The following GRIK4 variants were observed in gnomAD, a reference collection of about 807,000 sequenced individuals.
GRIK4 encodes glutamate receptor ionotropic, kainate 4.
Under a neutral mutation model 104.9 loss-of-function variants are expected in GRIK4, and 40 were observed. The observed-to-expected ratio is 0.38, with a 90% CI of 0.30 to 0.50. GRIK4 has a LOEUF of 0.50. Among genes scored for constraint, GRIK4 ranks in the 20% least tolerant of loss-of-function variants. The pLI, the probability that GRIK4 is intolerant of heterozygous loss-of-function variation, is 0.93. For missense variants in GRIK4, 1,047 were observed against 1,308.1 expected, an observed-to-expected ratio of 0.80 and a Z score of 3.08; for synonymous variants, 485 against 524.9, an observed-to-expected ratio of 0.92 and a Z score of 1.04.
At chr11:120,744,303 CT>C (rs1456131097) in intron 3 of GRIK4, among the ~76,000 whole-genome samples, 1 of 152,122 alleles carries the variant, frequency 6.6e-6, no homozygotes, top group Non-Finnish European at 1.5e-5. Flanking sequence ...GCTCAGGCTT[CT>C]TTTTTCCCCC....
chr11:120,854,579 G>C lies in GRIK4; in HGVS notation c.745-7380G>C, dbSNP rs541294604. On this transcript the variant is annotated intron_variant, in intron 8 of 20. Transcript: ENST00000527524. Reference sequence around the variant, plus strand: ...AGACAGCCAGCCACCTTTGTGGCGTGATCTGGTGGGCTTCAGGAAGGCCTC... The same window carrying C: ...AGACAGCCAGCCACCTTTGTGGCGTCATCTGGTGGGCTTCAGGAAGGCCTC... Among the ~76,000 whole-genome samples the C allele has an allele frequency of 5.9e-5, 9 of 152,328 alleles. 1 individual carries two copies. The South Asian group carries it at 1.9e-3, about 32-fold the overall frequency.
Position 120,939,455 on chromosome 11 carries a change from TC to T in GRIK4, c.1477-890del, listed in dbSNP as rs1943670695. On this transcript the variant is annotated intron_variant, in intron 13 of 20. Coordinates refer to ENST00000527524, the MANE Select transcript of GRIK4 (RefSeq NM_014619.5). The surrounding 1 kb of genome is among the most constrained non-coding windows in gnomAD (Gnocchi z 5.6). The stretch of plus-strand genomic sequence containing the variant: ...GGACAGCGACATAAGTGGCCAGTGA[TC>T]CAGGAGGCCTGAATCCTAGCCAGCT... 6.6e-6 allele frequency among the ~76,000 whole-genome samples: 1 copy of T among 152,214 alleles called. No homozygotes were observed. The highest frequency in any genetic ancestry group is 1.5e-5 in the Non-Finnish European group (1 of 68,032).
chr11:120,565,721 T>TA (rs1382492594), intron 1 of GRIK4, among the ~76,000 whole-genome samples: 1 of 152,232 alleles, frequency 6.6e-6, no homozygotes, highest in Non-Finnish European at 1.5e-5. Context: ...CTGCAGGCTT[T>TA]GCCTCACTAA....
intron 3 of GRIK4, among the ~76,000 whole-genome samples, chr11:120,763,245 AG>A (rs1274678884): frequency 2.6e-5 from 4 of 152,252 alleles, no homozygotes; most frequent in Admixed American, 1.3e-4. Context: ...AGGTGTTTAT[AG>A]TATTCTCTGA....
At chr11:120,655,102 A>G (rs1335473664) in intron 2 of GRIK4, among the ~76,000 whole-genome samples, 1 of 151,986 alleles carries the variant, frequency 6.6e-6, no homozygotes, top group Admixed American at 6.6e-5. Context: ...AGCACCTACT[A>G]TGTGCCAGAT....
At chr11:120,829,171 A>G (rs1359220900) in intron 6 of GRIK4, among the ~76,000 whole-genome samples, 7 of 152,010 alleles carry the variant, frequency 4.6e-5, no homozygotes, top group African/African-American at 1.2e-4. Flanking sequence ...GCTGTGGGGC[A>G]CCCTCACCCA....
At chr11:120,823,063 G>T (rs567470586) in intron 6 of GRIK4, among the ~76,000 whole-genome samples, 1 of 152,254 alleles carries the variant, frequency 6.6e-6, no homozygotes, top group African/African-American at 2.4e-5. Flanking sequence ...GCCCATTTTG[G>T]CAGGACTGAA....
intron 1 of GRIK4, among the ~76,000 whole-genome samples, chr11:120,597,216 G>C (rs1211890132): frequency 6.6e-6 from 1 of 152,288 alleles, no homozygotes; most frequent in African/African-American, 2.4e-5. Flanking sequence ...CTCACCTTGC[G>C]GGGCCGCTCC....
intron 2 of GRIK4, among the ~76,000 whole-genome samples, chr11:120,654,331 G>A (rs890873497): frequency 2.6e-5 from 4 of 152,150 alleles, no homozygotes; most frequent in African/African-American, 7.2e-5. Context: ...GGATGAGTGC[G>A]TGGCCATGAA....
At chr11:120,534,508 T>C (rs1006724428) in intron 1 of GRIK4, among the ~76,000 whole-genome samples, 3 of 151,676 alleles carry the variant, frequency 2.0e-5, no homozygotes, top group Non-Finnish European at 2.9e-5. Flanking sequence ...CTGAGAACCG[T>C]GCACGCTGGG....
chr11:120,706,810 C>T (rs184273014), intron 3 of GRIK4, among the ~76,000 whole-genome samples: 9 of 152,270 alleles, frequency 5.9e-5, no homozygotes, highest in African/African-American at 2.2e-4. Flanking sequence ...TCCCAGCAGG[C>T]CTCCTAATTT....
At chr11:120,770,434 A>G (rs997590437) in intron 3 of GRIK4, among the ~76,000 whole-genome samples, 2 of 152,238 alleles carry the variant, frequency 1.3e-5, no homozygotes, top group Non-Finnish European at 2.9e-5. Flanking sequence ...ACTGTTTCTC[A>G]GTCCCATCAC....
chr11:120,808,547 G>A (rs1202513872), intron 4 of GRIK4, among the ~76,000 whole-genome samples: 1 of 152,154 alleles, frequency 6.6e-6, no homozygotes, highest in African/African-American at 2.4e-5. Context: ...TTGAGTTCTT[G>A]GACACCAGGG....
intron 12 of GRIK4, among the ~76,000 whole-genome samples, chr11:120,900,705 G>A (rs35850564): frequency 0.053 from 8,041 of 152,178 alleles, 270 homozygotes; most frequent in Non-Finnish European, 0.077. Context: ...AGGTGAGGAC[G>A]CAGCCAAGTA....
intron 9 of GRIK4, chr11:120,871,471 G>A (rs1224644215): frequency 2.6e-6 from 1 of 387,426 alleles, no homozygotes; most frequent in Admixed American, 2.9e-5. Context: ...ATGGATGGAG[G>A]GACTCGGGAG....
chr11:120,767,514 T>G (rs1951861084), intron 3 of GRIK4, among the ~76,000 whole-genome samples: 2 of 152,304 alleles, frequency 1.3e-5, no homozygotes, highest in Admixed American at 6.5e-5. Context: ...CTTTTCATTT[T>G]GTTGTTTATT....
chr11:120,700,472 T>G (rs1187543783), intron 3 of GRIK4, among the ~76,000 whole-genome samples: 1 of 151,638 alleles, frequency 6.6e-6, no homozygotes, highest in African/African-American at 2.4e-5. Flanking sequence ...TTATTACTAT[T>G]TTTTGAGAGA....
chr11:120,797,427 CT>C (rs1216601761), intron 3 of GRIK4, among the ~76,000 whole-genome samples: 7 of 152,326 alleles, frequency 4.6e-5, no homozygotes, highest in African/African-American at 1.7e-4. Flanking sequence ...AGCTGCTCTC[CT>C]TCATTCATCT....
At chr11:120,870,766 A>C (rs889421788) in intron 9 of GRIK4, 1 of 146,342 alleles carries the variant, frequency 6.8e-6, no homozygotes, top group Non-Finnish European at 1.5e-5. Context: ...TTGTTTTCTG[A>C]GATGGAGTCT....
Sources: allele counts gnomAD v4.1 joint callset (sites outside exome capture counted in the v4.1 genomes callset), GRCh38; gene constraint gnomAD v4.1.1; non-coding constraint Gnocchi (gnomAD v3.1); transcripts MANE v1.5; gene names NCBI Gene and HGNC (gene_info 2026-07-23, HGNC 2026-07-21).